EYS: variants seen among roughly 807,000 people sequenced by gnomAD.
EYS encodes the protein protein eyes shut homolog.
A neutral mutation model predicts 282.1 loss-of-function variants in EYS; 250 were observed. That is an observed-to-expected ratio of 0.89 (90% CI 0.80 to 0.98). The LOEUF (loss-of-function observed/expected upper bound fraction) is 0.98, where lower values mean the gene tolerates loss of function less well. Among genes scored for constraint, EYS ranks in the 50% least tolerant of loss-of-function variants. EYS has a pLI of 0.00. For synonymous variants in EYS, 1,355 were observed against 1,282.9 expected (o/e 1.06, Z -1.20); for missense variants, 4,016 against 3,709.0 (o/e 1.08, Z -2.15).
At chr6:64,631,740 A>G (rs1011055615) in intron 22 of EYS, 2 of 152,086 alleles carry the variant, frequency 1.3e-5, no homozygotes, top group African/African-American at 4.8e-5. Flanking sequence ...TTATTTGTTT[A>G]TTAACAAATG....
chr6:65,437,255 TCA>T (rs1202603791), intron 5 of EYS, among the ~76,000 whole-genome samples: 1 of 152,118 alleles, frequency 6.6e-6, no homozygotes, highest in East Asian at 1.9e-4. Flanking sequence ...ATGGGTGTGC[TCA>T]GTGTCAAAAA....
rs147239498 is a variant in EYS at position 64,851,593 on chromosome 6, T to C, written c.2993-28771A>G. Among the ~76,000 whole-genome samples the C allele has an allele frequency of 2.0e-5, 3 of 152,216 alleles. No homozygotes were observed. The East Asian group carries it at 5.8e-4, about 29-fold the overall frequency. Reference sequence around the variant, plus strand: ...CATGAATAATAAACTGGATAAAGGATACACCATGGAATACTATGCAGCCAT... The same window carrying C: ...CATGAATAATAAACTGGATAAAGGACACACCATGGAATACTATGCAGCCAT... On this transcript the variant is annotated intron_variant, in intron 19 of 42. Coordinates refer to ENST00000503581, the MANE Select transcript of EYS (RefSeq NM_001142800.2).
At chr6:64,359,031 G>T (rs1771921844) in intron 29 of EYS, among the ~76,000 whole-genome samples, 1 of 151,590 alleles carries the variant, frequency 6.6e-6, no homozygotes. Context: ...AGAAAATAAT[G>T]GTCCTCTTAT....
intron 15 of EYS, among the ~76,000 whole-genome samples, chr6:64,928,245 C>T (rs1437470626): frequency 2.0e-5 from 3 of 151,854 alleles, no homozygotes; most frequent in Non-Finnish European, 4.4e-5. Context: ...AATGCAGGAC[C>T]TTAATTATAT....
chr6:65,199,839 G>A (rs148938068), intron 12 of EYS, among the ~76,000 whole-genome samples: 1 of 152,050 alleles, frequency 6.6e-6, no homozygotes, highest in African/African-American at 2.4e-5. Flanking sequence ...AAGGCACCAA[G>A]GATGCATGGA....
chr6:65,142,852 A>T (rs1764381041), intron 12 of EYS, among the ~76,000 whole-genome samples: 1 of 152,002 alleles, frequency 6.6e-6, no homozygotes. Context: ...AAAACACTTT[A>T]AAAATGAAGC....
intron 26 of EYS, among the ~76,000 whole-genome samples, chr6:64,465,085 AAAC>A (rs1327845588): frequency 2.0e-5 from 3 of 152,030 alleles, no homozygotes; most frequent in Non-Finnish European, 4.4e-5. Context: ...ATTGAAAACA[AAAC>A]AACATTGACG....
chr6:64,223,129 C>T (rs570675943), intron 31 of EYS, among the ~76,000 whole-genome samples: 3 of 152,014 alleles, frequency 2.0e-5, no homozygotes, highest in African/African-American at 4.8e-5. Context: ...CAGTGCACCC[C>T]GTCCTGGAAC....
chr6:63,969,549 GCA>G (rs1491380079), intron 35 of EYS, among the ~76,000 whole-genome samples: 3 of 152,136 alleles, frequency 2.0e-5, no homozygotes, highest in African/African-American at 7.2e-5. Flanking sequence ...ATAACCTCAA[GCA>G]GTACTATTAG....
chr6:65,536,788 T>C (rs377022769), intron 2 of EYS, among the ~76,000 whole-genome samples: 6 of 152,108 alleles, frequency 3.9e-5, no homozygotes, highest in East Asian at 1.9e-4. Flanking sequence ...AGATATAATA[T>C]GCTTGTGGGC....
intron 33 of EYS, among the ~76,000 whole-genome samples, chr6:64,024,267 C>T (rs1453793493): frequency 1.3e-5 from 2 of 152,176 alleles, no homozygotes; most frequent in African/African-American, 4.8e-5. Context: ...AATCAGCACC[C>T]TGTGTCTAGC....
At chr6:64,609,252 T>C (rs10440808) in intron 24 of EYS, among the ~76,000 whole-genome samples, 5,162 of 152,230 alleles carry the variant, frequency 0.034, 271 homozygotes, top group African/African-American at 0.12. Flanking sequence ...TAAGCACATG[T>C]TGTGGCAGTA....
intron 35 of EYS, among the ~76,000 whole-genome samples, chr6:63,891,792 T>C (rs922118214): frequency 2.0e-5 from 3 of 152,086 alleles, no homozygotes; most frequent in South Asian, 4.1e-4. Context: ...AGAATTCAAA[T>C]TGCCTGTTTG....
intron 18 of EYS, among the ~76,000 whole-genome samples, chr6:64,889,592 C>A (rs1226581839): frequency 2.0e-5 from 3 of 151,992 alleles, no homozygotes; most frequent in African/African-American, 7.3e-5. Context: ...TTACTAGTTC[C>A]CCAAATTAAT....
intron 2 of EYS, among the ~76,000 whole-genome samples, chr6:65,538,748 T>C (rs1379106243): frequency 1.3e-5 from 2 of 152,164 alleles, no homozygotes; most frequent in Non-Finnish European, 2.9e-5. Flanking sequence ...AACCCTTCCA[T>C]GACTCCTCCT....
chr6:64,105,448 A>G (rs1402513803), intron 31 of EYS, among the ~76,000 whole-genome samples: 1 of 152,094 alleles, frequency 6.6e-6, no homozygotes, highest in Non-Finnish European at 1.5e-5. Context: ...ATACTGAAAC[A>G]TCGTCAAAGT....
chr6:65,111,550 A>G (rs1022713638), intron 12 of EYS, among the ~76,000 whole-genome samples: 6 of 152,166 alleles, frequency 3.9e-5, no homozygotes, highest in Non-Finnish European at 5.9e-5. Flanking sequence ...CTGCCTGCCA[A>G]AATGGCACCC....
chr6:65,251,263 A>G (rs998586697), intron 12 of EYS, among the ~76,000 whole-genome samples: 3 of 151,694 alleles, frequency 2.0e-5, no homozygotes, highest in Non-Finnish European at 2.9e-5. Flanking sequence ...TTTATAAAAT[A>G]AAATTAATTA....
rs527953237 is a variant in EYS, at chr6:64,129,538, T to A, written c.6425-47536A>T. On this transcript the variant is annotated intron_variant, in intron 31 of 42. Coordinates refer to ENST00000503581, the MANE Select transcript of EYS (RefSeq NM_001142800.2). ...GCAGATTCTGGATATTAGCCCTTTG[T>A]CAGATGAGTAGATTGCAAAAATTTT... Among the ~76,000 whole-genome samples, 14 of 152,328 alleles carry A rather than the reference T, an allele frequency of 9.2e-5. No homozygotes were observed. The East Asian group carries it at 2.5e-3, about 27-fold the overall frequency.
Sources: allele counts gnomAD v4.1 joint callset (sites outside exome capture counted in the v4.1 genomes callset), GRCh38; gene constraint gnomAD v4.1.1; transcripts MANE v1.5; gene names NCBI Gene and HGNC (gene_info 2026-07-23, HGNC 2026-07-21).